The following AKNA variants were observed in gnomAD, a reference collection of about 807,000 sequenced individuals.
The protein encoded by AKNA is microtubule organization protein AKNA.
AKNA carries 67 observed loss-of-function variants against 138.8 expected under a neutral mutation model. The ratio of observed to expected loss-of-function variants is 0.48; its 90% CI spans 0.40 to 0.59. The LOEUF (loss-of-function observed/expected upper bound fraction) is 0.59. Among genes scored for constraint, AKNA ranks in the 20% least tolerant of loss-of-function variants. AKNA has a pLI of 0.00. For missense variants in AKNA, 1,813 were observed against 1,880.4 expected, an observed-to-expected ratio of 0.96 and a Z score of 0.66; for synonymous variants, 737 against 754.4, an observed-to-expected ratio of 0.98 and a Z score of 0.38.
chr9:114,357,863 G>T, intron 12 of AKNA, 58 bp downstream of exon 12: 1 of 1,574,942 alleles, frequency 6.3e-7, no homozygotes, highest in South Asian at 1.2e-5. Flanking sequence ...GCAGAAAGTT[G>T]AGAAGACCCA....
chr9:114,359,244 T>A, intron 11 of AKNA: 1 of 304,530 alleles, frequency 3.3e-6, no homozygotes, highest in African/African-American at 2.2e-5. Context: ...AATTTTTGTA[T>A]TTCTTGTTGA....
chr9:114,367,484 G>A (rs1160238036), intron 6 of AKNA, 59 bp downstream of exon 6: 1 of 1,586,902 alleles, frequency 6.3e-7, no homozygotes, highest in Admixed American at 1.7e-5. Context: ...AGCAGGCAGA[G>A]GTTCTGTGTT....
At chr9:114,332,640 G>A (rs570086434), downstream of AKNA, among the ~76,000 whole-genome samples, 1 of 152,192 alleles carries the variant, frequency 6.6e-6, no homozygotes, top group African/African-American at 2.4e-5. Context: ...TCCTGGGACA[G>A]GGCTTATGAA....
At chr9:114,398,429 C>G (rs1270142924), upstream of AKNA, 1 of 152,258 alleles carries the variant, frequency 6.6e-6, no homozygotes, top group Non-Finnish European at 1.5e-5. The surrounding 1 kb of genome is among the most constrained non-coding windows in gnomAD (Gnocchi z 4.2). Context: ...GAGCCCCTCC[C>G]CGAGTCTCAC....
intron 1 of AKNA, among the ~76,000 whole-genome samples, chr9:114,383,940 A>C (rs776299133): frequency 4.6e-5 from 7 of 152,032 alleles, no homozygotes; most frequent in Non-Finnish European, 7.4e-5. Context: ...CCAAATGCAG[A>C]GCCCTACAAT....
chr9:114,341,633 G>A lies in AKNA; in HGVS notation c.3967C>T (p.Pro1323Ser), dbSNP rs1381576748. ...GCTGTTGCCAGATACCACAGTCCGG[G>A]GGGTGGGCGTGGCGACGACCCCGCC... is the stretch of plus-strand genomic sequence containing the variant. ...KQAGSSPRPPPGLWYLATAPP... is the reference protein window; with the variant it reads ...KQAGSSPRPPSGLWYLATAPP... The change falls in exon 21 of 22, where the codon CCC (proline) becomes TCC (serine). Residue 1323 changes from proline to serine, a missense_variant. Coordinates refer to ENST00000374088, the MANE Select transcript of AKNA (RefSeq NM_001317950.2). The A allele has an allele frequency of 6.2e-7, 1 of 1,611,822 alleles. No individual in the cohort carries two copies. The highest frequency in any genetic ancestry group is 1.1e-5 in the South Asian group (1 of 90,888).
rs139853823 is a variant in AKNA, at chr9:114,381,724, A to G, written c.-113-278T>C. Among the ~76,000 whole-genome samples the G allele has an allele frequency of 9.6e-3, 1,269 of 131,760 alleles. 25 individuals are homozygous for G. Among genetic ancestry groups the G allele is most frequent in the African/African-American group, 0.034 (1,219 of 36,252 alleles). 86.4% of individuals were successfully genotyped at this position (131,760 alleles called of 152,430 possible). A position where few individuals can be genotyped will look rare whatever the true frequency, so the allele number is the denominator to read the frequency against. Reference sequence around the variant, plus strand: ...TGCCCAGGCTGGAGTGCAGTGGCACAATCTCGGCTCACTGCAACCTCCGTC... The same window carrying G: ...TGCCCAGGCTGGAGTGCAGTGGCACGATCTCGGCTCACTGCAACCTCCGTC... On this transcript the variant is annotated intron_variant, in intron 1 of 21. Coordinates refer to ENST00000374088, the MANE Select transcript of AKNA (RefSeq NM_001317950.2).
chr9:114,382,427 C>G (rs749506783), intron 1 of AKNA, among the ~76,000 whole-genome samples: 1 of 151,584 alleles, frequency 6.6e-6, no homozygotes, highest in African/African-American at 2.4e-5. Context: ...CTTGTCTCTA[C>G]GAAAAATTAG....
At chr9:114,397,054 A>T (rs536251523), upstream of AKNA, among the ~76,000 whole-genome samples, 16 of 152,106 alleles carry the variant, frequency 1.1e-4, 1 homozygote, top group South Asian at 3.3e-3. Context: ...GGACGGTGGG[A>T]GCTGATGAAA....
At chr9:114,371,536 CAG>C (rs1320067706) in intron 4 of AKNA, among the ~76,000 whole-genome samples, 1 of 152,250 alleles carries the variant, frequency 6.6e-6, no homozygotes. Context: ...GTTCTGGAAT[CAG>C]GGAGATGTAG....
intron 1 of AKNA, among the ~76,000 whole-genome samples, chr9:114,382,753 T>A (rs1256955266): frequency 1.3e-5 from 2 of 152,160 alleles, no homozygotes; most frequent in Admixed American, 1.3e-4. Context: ...TGTGATTCTA[T>A]GGATAGGAAA....
chr9:114,350,197 C>T (rs921707259), intron 15 of AKNA, among the ~76,000 whole-genome samples: 2 of 152,148 alleles, frequency 1.3e-5, no homozygotes, highest in Non-Finnish European at 2.9e-5. Flanking sequence ...ACTTACTAAA[C>T]TCAGACAAGG....
chr9:114,397,926 C>T (rs932132676), upstream of AKNA, among the ~76,000 whole-genome samples: 2 of 152,196 alleles, frequency 1.3e-5, no homozygotes, highest in African/African-American at 4.8e-5. Flanking sequence ...CCGAGGGCCG[C>T]CAGGCTGCGC....
chr9:114,354,008 C>T (rs1023031387), intron 14 of AKNA, among the ~76,000 whole-genome samples: 2 of 152,138 alleles, frequency 1.3e-5, no homozygotes, highest in Non-Finnish European at 2.9e-5. Flanking sequence ...AACATTTATA[C>T]AAAAGTTTTT....
intron 6 of AKNA, 73 bp from the exon 7 acceptor site, chr9:114,364,692 A>G (rs557407326): frequency 1.3e-6 from 2 of 1,499,924 alleles, no homozygotes; most frequent in East Asian, 2.3e-5. Flanking sequence ...AGCCACATCT[A>G]TGCCTTGGTA....
chr9:114,331,902 A>C, downstream of AKNA: 2 of 1,613,886 alleles, frequency 1.2e-6, no homozygotes, highest in Non-Finnish European at 1.7e-6. Flanking sequence ...TTCCCAGGTC[A>C]GATGTCATGT....
chr9:114,397,765 C>G (rs932177811), upstream of AKNA, among the ~76,000 whole-genome samples: 1 of 152,164 alleles, frequency 6.6e-6, no homozygotes, highest in Non-Finnish European at 1.5e-5. Flanking sequence ...CGCAGGTGTA[C>G]CAAGAGGGAA....
At position 114,374,311 on chromosome 9, in the gene AKNA, G is replaced by GC. The variant is rs1833012051; in HGVS notation, c.1342-145dup. On this transcript the variant is annotated intron_variant, in intron 3 of 21. Coordinates refer to ENST00000374088, the MANE Select transcript of AKNA (RefSeq NM_001317950.2). The stretch of plus-strand genomic sequence containing the variant: ...CATTCAATGGTGGGATCCGAGCTGA[G>GC]CAATCTTCAGGCTTGTGTGCAACAC... 3 of 800,316 alleles carry GC rather than the reference G, an allele frequency of 3.7e-6. No individual in the cohort carries two copies. The African/African-American group carries it at 5.1e-5, about 14-fold the overall frequency. 49.6% of individuals were successfully genotyped at this position (800,316 alleles called of 1,614,324 possible).
chr9:114,381,930 T>A (rs989188476), intron 1 of AKNA, among the ~76,000 whole-genome samples: 1 of 152,146 alleles, frequency 6.6e-6, no homozygotes, highest in African/African-American at 2.4e-5. Flanking sequence ...ATTACAGGTG[T>A]GAGCCACCAT....
Sources: gnomAD v4.1 joint callset for allele counts (sites outside exome capture counted in the v4.1 genomes callset) on GRCh38, gnomAD v4.1.1 for gene constraint, Gnocchi (gnomAD v3.1) non-coding constraint, MANE v1.5 for transcripts, NCBI Gene and HGNC (gene_info 2026-07-23, HGNC 2026-07-21) for gene names.